Variants in ASTN2 observed in about 807,000 individuals in gnomAD.
ASTN2 encodes astrotactin-2.
In ASTN2, 54 loss-of-function variants were observed where a neutral mutation model predicts 139.8. The ratio of observed to expected loss-of-function variants is 0.39; its 90% confidence interval spans 0.31 to 0.48. The LOEUF is 0.48. ASTN2 is among the 20% of genes least tolerant of loss of function. The pLI, the probability that ASTN2 is intolerant of heterozygous loss-of-function variation, is 0.95. For synonymous variants in ASTN2, 756 were observed against 719.5 expected, an observed-to-expected ratio of 1.05 and a Z score of -0.81; for missense variants, 1,565 against 1,725.1, an observed-to-expected ratio of 0.91 and a Z score of 1.64.
intron 22 of ASTN2, among the ~76,000 whole-genome samples, chr9:116,431,354 G>A (rs1474337245): frequency 2.6e-5 from 4 of 152,152 alleles, no homozygotes; most frequent in Non-Finnish European, 5.9e-5. Context: ...AGCTTAATGA[G>A]AATTGAGGAC....
chr9:116,538,433 G>A (rs1453431213), intron 19 of ASTN2, among the ~76,000 whole-genome samples: 1 of 152,126 alleles, frequency 6.6e-6, no homozygotes, highest in East Asian at 1.9e-4. Context: ...TCAGGGATGT[G>A]TGGCCCATGA....
At chr9:116,510,230 GCCAGTTTTC>G (rs1850310089) in intron 19 of ASTN2, among the ~76,000 whole-genome samples, 1 of 152,196 alleles carries the variant, frequency 6.6e-6, no homozygotes, top group African/African-American at 2.4e-5. Flanking sequence ...CATATGGCTA[GCCAGTTTTC>G]CCAGCACCAT....
chr9:117,389,477 C>T (rs1346209493), intron 1 of ASTN2, among the ~76,000 whole-genome samples: 1 of 152,180 alleles, frequency 6.6e-6, no homozygotes, highest in Non-Finnish European at 1.5e-5. Context: ...GGCAAATGCT[C>T]ATGGATAATT....
intron 4 of ASTN2, among the ~76,000 whole-genome samples, chr9:117,124,535 A>G (rs1380194243): frequency 6.6e-6 from 1 of 152,158 alleles, no homozygotes; most frequent in Non-Finnish European, 1.5e-5. Flanking sequence ...AAGTAGCATC[A>G]TATTACTTTC....
At chr9:117,182,477 T>G (rs1277832364) in intron 3 of ASTN2, among the ~76,000 whole-genome samples, 2 of 152,162 alleles carry the variant, frequency 1.3e-5, no homozygotes, top group Non-Finnish European at 2.9e-5. Flanking sequence ...CCCTAGAGCA[T>G]GGACAGAATT....
intron 19 of ASTN2, among the ~76,000 whole-genome samples, chr9:116,554,597 A>C (rs1381568906): frequency 2.0e-5 from 3 of 152,190 alleles, no homozygotes; most frequent in African/African-American, 7.2e-5. Flanking sequence ...CACCTCTGTA[A>C]CATTCGCCAG....
At chr9:117,336,389 G>A (rs1828884604) in intron 1 of ASTN2, among the ~76,000 whole-genome samples, 1 of 152,090 alleles carries the variant, frequency 6.6e-6, no homozygotes. Context: ...AGTTCTTCAA[G>A]AGGTGAAAAG....
intron 16 of ASTN2, among the ~76,000 whole-genome samples, chr9:116,661,479 GA>G (rs1858556190): frequency 6.6e-6 from 1 of 152,148 alleles, no homozygotes; most frequent in Non-Finnish European, 1.5e-5. Flanking sequence ...CACAAGGGGG[GA>G]AAATATGAAT....
At chr9:116,541,063 A>C (rs945458718) in intron 19 of ASTN2, among the ~76,000 whole-genome samples, 5 of 152,082 alleles carry the variant, frequency 3.3e-5, no homozygotes, top group Admixed American at 6.6e-5. Context: ...AGGAATGGAC[A>C]TTGAGGAAAG....
At chr9:116,632,470 A>C (rs140517656) in intron 17 of ASTN2, among the ~76,000 whole-genome samples, 154 of 152,212 alleles carry the variant, frequency 1.0e-3, no homozygotes, top group African/African-American at 3.3e-3. Context: ...AACAACTAAA[A>C]ATAATTTTGA....
intron 19 of ASTN2, among the ~76,000 whole-genome samples, chr9:116,504,865 T>C (rs1390985985): frequency 5.5e-5 from 7 of 126,128 alleles, no homozygotes; most frequent in Middle Eastern, 5.7e-3. Flanking sequence ...CACTGCCCTC[T>C]AGCCTGGATG....
At chr9:117,267,013 C>G (rs1047344981) in intron 2 of ASTN2, among the ~76,000 whole-genome samples, 1 of 152,130 alleles carries the variant, frequency 6.6e-6, no homozygotes, top group Non-Finnish European at 1.5e-5. Context: ...AGTGGAGAAA[C>G]CTGGCAGCCA....
intron 11 of ASTN2, among the ~76,000 whole-genome samples, chr9:116,851,483 T>TATCTATCCATCC (rs1175669551): frequency 5.0e-5 from 4 of 80,392 alleles, no homozygotes; most frequent in African/African-American, 2.0e-4. Flanking sequence ...TCTATCTATC[T>TATCTATCCATCC]ATCTATCTAT....
intron 13 of ASTN2, among the ~76,000 whole-genome samples, chr9:116,789,284 GT>G (rs1356277538): frequency 6.6e-6 from 1 of 152,156 alleles, no homozygotes; most frequent in African/African-American, 2.4e-5. Context: ...CTGACTCAGG[GT>G]TTAAGGTTCT....
At chr9:116,427,032 C>T (rs550157080) in intron 22 of ASTN2, among the ~76,000 whole-genome samples, 22 of 152,136 alleles carry the variant, frequency 1.4e-4, no homozygotes, top group African/African-American at 3.6e-4. Flanking sequence ...ATATCCAGCA[C>T]GAGAGAGGGG....
chr9:117,179,403 T>C (rs1280232542), intron 3 of ASTN2, among the ~76,000 whole-genome samples: 2 of 152,124 alleles, frequency 1.3e-5, no homozygotes, highest in Non-Finnish European at 2.9e-5. Flanking sequence ...TTGAGATAAG[T>C]AACCCAGCTT....
intron 4 of ASTN2, among the ~76,000 whole-genome samples, chr9:117,102,280 A>AGGCAAC (rs1828997454): frequency 6.6e-6 from 1 of 152,218 alleles, no homozygotes; most frequent in African/African-American, 2.4e-5. Flanking sequence ...CAGACATTAA[A>AGGCAAC]GGCAACATAG....
At chr9:116,651,466 C>T in intron 17 of ASTN2, 62 bp downstream of exon 17, 3 of 1,573,054 alleles carry the variant, frequency 1.9e-6, no homozygotes, top group South Asian at 1.2e-5. Context: ...AAAGGGTCCA[C>T]AAGGGTAGGA....
At chr9:117,335,407 C>G (rs993428603) in intron 1 of ASTN2, among the ~76,000 whole-genome samples, 2 of 152,186 alleles carry the variant, frequency 1.3e-5, no homozygotes, top group Non-Finnish European at 2.9e-5. Context: ...ACAAACATCT[C>G]CATGTTAGGA....
Sources: gnomAD v4.1 joint callset for allele counts (sites outside exome capture counted in the v4.1 genomes callset) on GRCh38, gnomAD v4.1.1 for gene constraint, MANE v1.5 for transcripts, NCBI Gene and HGNC (gene_info 2026-07-23, HGNC 2026-07-21) for gene names.